THSD4: variants seen among roughly 807,000 people sequenced by gnomAD.
THSD4 encodes thrombospondin type 1 domain containing 4, also known as thrombospondin type-1 domain-containing protein 4.
Under a neutral mutation model 119.0 loss-of-function variants are expected in THSD4, and 69 were observed. The ratio of observed to expected loss-of-function variants is 0.58; its 90% confidence interval spans 0.48 to 0.71. The LOEUF (loss-of-function observed/expected upper bound fraction) is 0.71. Ranked by LOEUF, THSD4 falls within the 30% of genes least tolerant of loss-of-function variation. The probability of loss-of-function intolerance (pLI) is 0.00; values close to 1 mark genes in which losing one functional copy is unlikely to be tolerated. For synonymous variants in THSD4, 524 were observed against 540.4 expected, an observed-to-expected ratio of 0.97 and a Z score of 0.42; for missense variants, 1,393 against 1,391.1, an observed-to-expected ratio of 1.00 and a Z score of -0.02.
At chr15:71,291,668 C>G (rs1329439219) in intron 6 of THSD4, among the ~76,000 whole-genome samples, 2 of 152,302 alleles carry the variant, frequency 1.3e-5, no homozygotes, top group Admixed American at 1.3e-4. Flanking sequence ...CAGAAACACC[C>G]TCAAAGACAC....
At chr15:71,674,619 A>T (rs2051601591) in intron 8 of THSD4, among the ~76,000 whole-genome samples, 1 of 152,086 alleles carries the variant, frequency 6.6e-6, no homozygotes, top group South Asian at 2.1e-4. Flanking sequence ...ATTTTTTTTT[A>T]AACTTTAAAG....
intron 6 of THSD4, among the ~76,000 whole-genome samples, chr15:71,274,321 T>C (rs914359687): frequency 2.6e-5 from 4 of 152,218 alleles, no homozygotes; most frequent in Non-Finnish European, 4.4e-5. Context: ...AATTGAAATG[T>C]AACACGCAAG....
intron 7 of THSD4, among the ~76,000 whole-genome samples, chr15:71,554,089 G>T (rs544525393): frequency 1.2e-3 from 87 of 71,092 alleles, no homozygotes; most frequent in African/African-American, 3.9e-3. Flanking sequence ...TTTTTTGTTT[G>T]GTTTGGTTTT....
At chr15:71,578,772 C>A (rs11072303) in intron 7 of THSD4, among the ~76,000 whole-genome samples, 1 of 151,462 alleles carries the variant, frequency 6.6e-6, no homozygotes, top group African/African-American at 2.4e-5. Flanking sequence ...AAATAATGAA[C>A]ACTGTTTTAA....
intron 8 of THSD4, among the ~76,000 whole-genome samples, chr15:71,670,946 T>A (rs2051514066): frequency 6.6e-6 from 1 of 152,242 alleles, no homozygotes; most frequent in Non-Finnish European, 1.5e-5. Context: ...TTGTGAATAG[T>A]GCCGCAATAA....
intron 7 of THSD4, among the ~76,000 whole-genome samples, chr15:71,587,926 A>G (rs1190772140): frequency 6.6e-6 from 1 of 152,074 alleles, no homozygotes; most frequent in Non-Finnish European, 1.5e-5. Context: ...GGAAGCTGGG[A>G]CTTTTGACTC....
At chr15:71,652,931 G>A (rs2051120599) in intron 7 of THSD4, among the ~76,000 whole-genome samples, 1 of 152,042 alleles carries the variant, frequency 6.6e-6, no homozygotes, top group African/African-American at 2.4e-5. Flanking sequence ...ATTTAATTTT[G>A]TGTATATACA....
chr15:71,406,641 TTGGTG>T (rs1392744265), intron 6 of THSD4, among the ~76,000 whole-genome samples: 1 of 141,468 alleles, frequency 7.1e-6, no homozygotes, highest in Non-Finnish European at 1.5e-5. Context: ...TCAGGTTTGT[TTGGTG>T]TGTGTGTGTG....
At chr15:71,387,523 T>A (rs1480600835) in intron 6 of THSD4, among the ~76,000 whole-genome samples, 1 of 152,170 alleles carries the variant, frequency 6.6e-6, no homozygotes, top group Non-Finnish European at 1.5e-5. Flanking sequence ...AAAGGAAATA[T>A]GCTGTTTTAG....
At chr15:71,214,634 G>A (rs1229482048) in intron 3 of THSD4, among the ~76,000 whole-genome samples, 2 of 152,218 alleles carry the variant, frequency 1.3e-5, no homozygotes, top group Non-Finnish European at 2.9e-5. Flanking sequence ...TAAAGCGGTG[G>A]CCTCTCAACC....
At chr15:71,340,462 T>C (rs2045551258) in intron 6 of THSD4, among the ~76,000 whole-genome samples, 1 of 152,168 alleles carries the variant, frequency 6.6e-6, no homozygotes, top group Non-Finnish European at 1.5e-5. Flanking sequence ...AGGGATGAGC[T>C]GGAAGAGCCA....
At chr15:71,563,134 C>A (rs753771929) in intron 7 of THSD4, among the ~76,000 whole-genome samples, 10 of 152,134 alleles carry the variant, frequency 6.6e-5, no homozygotes, top group Non-Finnish European at 1.3e-4. Flanking sequence ...TATCCCACAT[C>A]GTCCTATGGT....
chr15:71,261,753 A>G (rs984345920), intron 6 of THSD4, among the ~76,000 whole-genome samples: 2 of 152,230 alleles, frequency 1.3e-5, no homozygotes, highest in Non-Finnish European at 2.9e-5. Flanking sequence ...GAGATGTTGA[A>G]TCAACTAATT....
chr15:71,443,746 C>T (rs1298303819), intron 7 of THSD4, among the ~76,000 whole-genome samples: 2 of 152,218 alleles, frequency 1.3e-5, no homozygotes, highest in East Asian at 3.8e-4. Context: ...TGTATCCTGA[C>T]CCCATTCCCT....
intron 7 of THSD4, among the ~76,000 whole-genome samples, chr15:71,608,236 A>G (rs79596716): frequency 1.6e-5 from 1 of 62,028 alleles, no homozygotes; most frequent in South Asian, 7.4e-4. Context: ...AAAAAAAAAA[A>G]AATATATATA....
chr15:71,480,643 G>A (rs2047716532), intron 7 of THSD4, among the ~76,000 whole-genome samples: 1 of 152,178 alleles, frequency 6.6e-6, no homozygotes, highest in Non-Finnish European at 1.5e-5. Flanking sequence ...CCCTTCCTGG[G>A]ATCTTCTCAT....
At chr15:71,180,167 A>T (rs7183036) in intron 3 of THSD4, among the ~76,000 whole-genome samples, 2,450 of 26,750 alleles carry the variant, frequency 0.092, 68 homozygotes, top group African/African-American at 0.1. Context: ...AAAAAAAAAA[A>T]AAATAAAAAA....
chr15:71,386,152 CAG>C (rs1285834608), intron 6 of THSD4, among the ~76,000 whole-genome samples: 2 of 152,158 alleles, frequency 1.3e-5, no homozygotes, highest in African/African-American at 2.4e-5. Flanking sequence ...CACCAGAAAT[CAG>C]AGAGTGACAA....
At chr15:71,526,655 C>G (rs1284834583) in intron 7 of THSD4, among the ~76,000 whole-genome samples, 1 of 152,182 alleles carries the variant, frequency 6.6e-6, no homozygotes, top group African/African-American at 2.4e-5. Flanking sequence ...AGCTTAATCT[C>G]TCACTTGTGC....
Sources: allele counts gnomAD v4.1 joint callset (sites outside exome capture counted in the v4.1 genomes callset), GRCh38; gene constraint gnomAD v4.1.1; transcripts MANE v1.5; gene names NCBI Gene and HGNC (gene_info 2026-07-23, HGNC 2026-07-21).